The following SSBP3 variants were observed in gnomAD, a reference collection of about 807,000 sequenced individuals.
SSBP3 encodes single-stranded DNA-binding protein 3.
In SSBP3, 5 loss-of-function variants were observed where a neutral mutation model predicts 69.6. That is an observed-to-expected ratio of 0.07 (90% CI 0.04 to 0.15). The LOEUF is 0.15. SSBP3 is among the 10% of genes least tolerant of loss of function. SSBP3 has a pLI of 1.00. For missense variants in SSBP3, 312 were observed against 534.0 expected (o/e 0.58, Z 4.10); for synonymous variants, 196 against 193.4 (o/e 1.01, Z -0.11).
intron 4 of SSBP3, among the ~76,000 whole-genome samples, chr1:54,293,214 C>G (rs564235796): frequency 5.3e-5 from 8 of 152,230 alleles, no homozygotes; most frequent in African/African-American, 1.9e-4. Context: ...TTCTTGTTTG[C>G]ACCCACCAAG....
chr1:54,407,038 CGGCTCGA>C (rs1649831851), upstream of SSBP3, among the ~76,000 whole-genome samples: 1 of 152,006 alleles, frequency 6.6e-6, no homozygotes, highest in Non-Finnish European at 1.5e-5. Flanking sequence ...GAGAGCTGGG[CGGCTCGA>C]GCCGGCGCCG....
At chr1:54,348,107 G>A in intron 4 of SSBP3, among the ~76,000 whole-genome samples, 1 of 152,006 alleles carries the variant, frequency 6.6e-6, no homozygotes, top group East Asian at 1.9e-4. Flanking sequence ...AGAGGTCAGA[G>A]TCCCCATATC....
rs981282699 is a variant in SSBP3 at position 54,406,207 on chromosome 1, G to A, written c.-199C>T. The A allele has an allele frequency of 6.0e-5, 26 of 433,418 alleles. No homozygotes were observed. The highest frequency in any genetic ancestry group is 3.8e-4 in the African/African-American group (18 of 47,408). 26.8% of individuals were successfully genotyped at this position (433,418 alleles called of 1,614,324 possible). A position where few individuals can be genotyped will look rare whatever the true frequency, so the allele number is the denominator to read the frequency against. ...CCGCGCTCTTTCCAGCTGTCAAAGC[G>A]TCAGCCCCGGCCGCGGCCCCATCGC... is the stretch of plus-strand genomic sequence containing the variant. On this transcript the variant is annotated 5_prime_UTR_variant, in exon 1 of 18. It adds an upstream start codon to the 5' untranslated region. Coordinates refer to ENST00000610401, the Ensembl canonical transcript of SSBP3.
At chr1:54,289,091 G>A (rs1203845017) in intron 4 of SSBP3, among the ~76,000 whole-genome samples, 1 of 150,040 alleles carries the variant, frequency 6.7e-6, no homozygotes, top group African/African-American at 2.4e-5. Context: ...TAGTTCCCAG[G>A]AAGAGTTCTG....
chr1:54,241,387 G>A (rs1207740612), intron 12 of SSBP3, 87 bp downstream of exon 12: 1 of 1,402,108 alleles, frequency 7.1e-7, no homozygotes, highest in Non-Finnish European at 1.0e-6. Context: ...TGTGTGAAAG[G>A]GAAAGAAACG....
intron 4 of SSBP3, among the ~76,000 whole-genome samples, chr1:54,382,274 T>C (rs1647712431): frequency 6.6e-6 from 1 of 152,234 alleles, no homozygotes; most frequent in South Asian, 2.1e-4. Context: ...AGGGTCTCAC[T>C]ATGTTGCCCA....
intron 4 of SSBP3, among the ~76,000 whole-genome samples, chr1:54,322,073 G>A (rs1646223180): frequency 6.6e-6 from 1 of 152,192 alleles, no homozygotes; most frequent in South Asian, 2.1e-4. Flanking sequence ...AGTGGGAGGG[G>A]CACAGTGGTG....
chr1:54,406,278 G>A (rs1039866259), exon 1 of SSBP3: 7 of 308,372 alleles, frequency 2.3e-5, no homozygotes, highest in Admixed American at 5.2e-5. Flanking sequence ...TGCCGCCGCC[G>A]CCGCCCGCAC....
intron 5 of SSBP3, among the ~76,000 whole-genome samples, chr1:54,272,996 A>G (rs973734753): frequency 2.0e-5 from 3 of 152,166 alleles, no homozygotes; most frequent in Non-Finnish European, 1.5e-5. Context: ...CCCTCCCTCA[A>G]AAGGTTGAAG....
intron 9 of SSBP3, among the ~76,000 whole-genome samples, chr1:54,245,218 TAC>T (rs1208552169): frequency 1.3e-5 from 2 of 152,226 alleles, no homozygotes; most frequent in African/African-American, 2.4e-5. Flanking sequence ...ACACTTTATG[TAC>T]AGTCTCTTGT....
intron 4 of SSBP3, among the ~76,000 whole-genome samples, chr1:54,369,807 C>A (rs1466037556): frequency 7.5e-6 from 1 of 133,232 alleles, no homozygotes; most frequent in Non-Finnish European, 1.7e-5. Context: ...GTGACCCTGT[C>A]CCTTTGGTTG....
intron 3 of SSBP3, among the ~76,000 whole-genome samples, chr1:54,403,592 G>A (rs1199789036): frequency 6.6e-6 from 1 of 152,222 alleles, no homozygotes; most frequent in East Asian, 1.9e-4. Context: ...CTCTGCACAA[G>A]TTAGAACAGA....
intron 9 of SSBP3, among the ~76,000 whole-genome samples, chr1:54,248,537 C>T (rs908578365): frequency 6.6e-6 from 1 of 152,168 alleles, no homozygotes; most frequent in Non-Finnish European, 1.5e-5. Context: ...GTCCTGTCCA[C>T]AGGGCATCAT....
intron 5 of SSBP3, among the ~76,000 whole-genome samples, chr1:54,270,379 G>T (rs752404012): frequency 3.3e-5 from 5 of 152,174 alleles, no homozygotes; most frequent in African/African-American, 1.2e-4. Context: ...GCTCCTGTGC[G>T]GTGGAGCAGG....
chr1:54,266,786 A>AGCACACCTGAATTTGGCTG (rs1570306324), intron 5 of SSBP3, among the ~76,000 whole-genome samples: 1 of 151,716 alleles, frequency 6.6e-6, no homozygotes, highest in East Asian at 1.9e-4. Context: ...GCCAGGCATC[A>AGCACACCTGAATTTGGCTG]GCACACCTGA....
chr1:54,234,793 TG>T (rs1006353412), intron 14 of SSBP3, among the ~76,000 whole-genome samples: 1 of 149,460 alleles, frequency 6.7e-6, no homozygotes, highest in African/African-American at 2.5e-5. Flanking sequence ...AGATGGAGTC[TG>T]GCTCTGTCAT....
At chr1:54,256,687 C>T (rs185652835) in intron 7 of SSBP3, among the ~76,000 whole-genome samples, 6 of 152,168 alleles carry the variant, frequency 3.9e-5, no homozygotes, top group South Asian at 2.1e-4. Flanking sequence ...CATTTCCCCC[C>T]CTAATAGCAG....
At chr1:54,352,387 G>A (rs1320301732) in intron 4 of SSBP3, among the ~76,000 whole-genome samples, 1 of 152,086 alleles carries the variant, frequency 6.6e-6, no homozygotes, top group Non-Finnish European at 1.5e-5. Context: ...CAAACTTCTT[G>A]GCTGACTGGT....
intron 3 of SSBP3, among the ~76,000 whole-genome samples, chr1:54,402,183 T>C (rs981220304): frequency 6.6e-6 from 1 of 152,230 alleles, no homozygotes; most frequent in Non-Finnish European, 1.5e-5. Flanking sequence ...ACATGCCGGA[T>C]GCTTCACACC....
Sources: allele counts gnomAD v4.1 joint callset (sites outside exome capture counted in the v4.1 genomes callset), GRCh38; gene constraint gnomAD v4.1.1; transcripts MANE v1.5; gene names NCBI Gene and HGNC (gene_info 2026-07-23, HGNC 2026-07-21).